The following HS6ST3 variants were observed in gnomAD, a reference collection of about 807,000 sequenced individuals.
HS6ST3 encodes heparan-sulfate 6-O-sulfotransferase 3.
HS6ST3 carries 12 observed loss-of-function variants against 36.7 expected under a neutral mutation model. That is an observed-to-expected ratio of 0.33 (90% confidence interval 0.21 to 0.53). The LOEUF (loss-of-function observed/expected upper bound fraction) is 0.53. Among genes scored for constraint, HS6ST3 ranks in the 20% least tolerant of loss-of-function variants. The pLI is 0.95. For synonymous variants in HS6ST3, 240 were observed against 257.5 expected (o/e 0.93, Z 0.65); for missense variants, 584 against 640.9 (o/e 0.91, Z 0.96).
intron 1 of HS6ST3, among the ~76,000 whole-genome samples, chr13:96,135,932 C>G (rs76768710): frequency 6.6e-6 from 1 of 152,124 alleles, no homozygotes; most frequent in African/African-American, 2.4e-5. Flanking sequence ...TCACTTACCC[C>G]AAAAGAAAGG....
chr13:96,574,739 C>T (rs1024949713), intron 1 of HS6ST3, among the ~76,000 whole-genome samples: 8 of 152,162 alleles, frequency 5.3e-5, no homozygotes, highest in African/African-American at 1.9e-4. Flanking sequence ...TTCTGGTGGA[C>T]TGGGGCTCCT....
chr13:96,755,566 C>T (rs1390436525), intron 1 of HS6ST3, among the ~76,000 whole-genome samples: 3 of 151,814 alleles, frequency 2.0e-5, no homozygotes, highest in Non-Finnish European at 2.9e-5. Context: ...GGTTTCACCA[C>T]GTTGGCCAGG....
chr13:96,116,909 A>G (rs1475171089), intron 1 of HS6ST3, among the ~76,000 whole-genome samples: 1 of 152,176 alleles, frequency 6.6e-6, no homozygotes, highest in Non-Finnish European at 1.5e-5. Flanking sequence ...AGAGATGAAC[A>G]TTTATATGAA....
rs747605056 is a variant in HS6ST3 at position 96,091,515 on chromosome 13, G to A, written c.653G>A (p.Cys218Tyr). The part of the protein sequence containing the change: ...LHADWTELTN[C>Y]VPAIMEKKDC... ...GCCGACTGGACGGAGCTCACCAACTGCGTGCCGGCCATCATGGAGAAGAAG... is the reference window on the plus strand; with the variant it reads ...GCCGACTGGACGGAGCTCACCAACTACGTGCCGGCCATCATGGAGAAGAAG... Residue 218 changes from cysteine to tyrosine, a missense_variant, in exon 1 of 2, where the codon TGC becomes TAC. Physicochemically the swap from Cys to Tyr is radical, Grantham distance 194 (BLOSUM62 -2). Around this residue, in one of 3 missense-constraint regions of HS6ST3, gnomAD observed 360 missense variants for 411.3 expected, o/e 0.88. Coordinates refer to ENST00000376705, the MANE Select transcript of HS6ST3 (RefSeq NM_153456.4). 6 of 1,596,480 alleles carry A rather than the reference G, an allele frequency of 3.8e-6. No homozygotes were observed. Among genetic ancestry groups the A allele is most frequent in the Non-Finnish European group, 5.1e-6 (6 of 1,174,556 alleles).
intron 1 of HS6ST3, among the ~76,000 whole-genome samples, chr13:96,648,047 G>A (rs1231414563): frequency 1.3e-5 from 2 of 151,952 alleles, no homozygotes; most frequent in African/African-American, 4.8e-5. Context: ...CATAAGTTTA[G>A]TGTTGATCTT....
intron 1 of HS6ST3, among the ~76,000 whole-genome samples, chr13:96,363,016 G>A (rs1449868008): frequency 6.6e-6 from 1 of 152,102 alleles, no homozygotes; most frequent in Admixed American, 6.6e-5. Context: ...TTAGGGATGG[G>A]AGAGGGAGGT....
chr13:96,273,487 G>C (rs985570751), intron 1 of HS6ST3, among the ~76,000 whole-genome samples: 6 of 151,930 alleles, frequency 3.9e-5, no homozygotes, highest in Non-Finnish European at 2.9e-5. Context: ...CTAAGAGGAG[G>C]CTGAGACAAC....
intron 1 of HS6ST3, among the ~76,000 whole-genome samples, chr13:96,144,484 G>A (rs1440107249): frequency 6.6e-6 from 1 of 152,012 alleles, no homozygotes; most frequent in African/African-American, 2.4e-5. Context: ...TTAATCCTGA[G>A]AGGGTTGAAA....
intron 1 of HS6ST3, chr13:96,573,891 C>T (rs142709725): frequency 1.2e-5 from 6 of 496,124 alleles, no homozygotes; most frequent in East Asian, 1.1e-4. Context: ...CCCTCTCCCC[C>T]AGTCTAATGG....
chr13:96,326,640 G>T (rs1049586725), intron 1 of HS6ST3, among the ~76,000 whole-genome samples: 1 of 152,056 alleles, frequency 6.6e-6, no homozygotes, highest in Non-Finnish European at 1.5e-5. Context: ...ATAAACATCC[G>T]TGTGCATGTG....
intron 1 of HS6ST3, among the ~76,000 whole-genome samples, chr13:96,237,511 A>G (rs1019075182): frequency 1.3e-5 from 2 of 151,934 alleles, no homozygotes; most frequent in Non-Finnish European, 2.9e-5. Context: ...TGCATCATTC[A>G]TCTCTTCCTT....
intron 1 of HS6ST3, among the ~76,000 whole-genome samples, chr13:96,776,734 G>A (rs576571874): frequency 6.6e-6 from 1 of 152,214 alleles, no homozygotes; most frequent in African/African-American, 2.4e-5. Context: ...AGGACCAGAT[G>A]GATTCACAGC....
At chr13:96,743,259 G>A (rs2138486583) in intron 1 of HS6ST3, among the ~76,000 whole-genome samples, 1 of 152,214 alleles carries the variant, frequency 6.6e-6, no homozygotes, top group East Asian at 1.9e-4. Context: ...TTCATCAGGA[G>A]TTTCTTAAAA....
intron 1 of HS6ST3, among the ~76,000 whole-genome samples, chr13:96,317,401 AAT>A (rs1159536290): frequency 0.013 from 1,520 of 120,214 alleles, 33 homozygotes; most frequent in African/African-American, 0.045. Flanking sequence ...TATATCATGG[AAT>A]ATATATATAT....
At chr13:96,417,704 A>G (rs144141136) in intron 1 of HS6ST3, among the ~76,000 whole-genome samples, 131 of 136,468 alleles carry the variant, frequency 9.6e-4, no homozygotes, top group Middle Eastern at 3.8e-3. Flanking sequence ...ATATATTTAT[A>G]TGTACGTATC....
At chr13:96,411,021 C>T (rs2055504822) in intron 1 of HS6ST3, among the ~76,000 whole-genome samples, 1 of 152,152 alleles carries the variant, frequency 6.6e-6, no homozygotes, top group Non-Finnish European at 1.5e-5. Flanking sequence ...TTTGACCTCA[C>T]CATCACAGCC....
At chr13:96,094,149 A>G (rs2053778678) in intron 1 of HS6ST3, among the ~76,000 whole-genome samples, 1 of 152,156 alleles carries the variant, frequency 6.6e-6, no homozygotes, top group Admixed American at 6.5e-5. Context: ...GGAGTAAGTT[A>G]CTTTTTCTGA....
intron 1 of HS6ST3, among the ~76,000 whole-genome samples, chr13:96,773,035 T>A (rs1877302679): frequency 6.6e-6 from 1 of 151,996 alleles, no homozygotes; most frequent in Admixed American, 6.6e-5. Flanking sequence ...GGGAGGGGTG[T>A]GTCACCTCAC....
chr13:96,383,723 G>A (rs1041758040), intron 1 of HS6ST3, among the ~76,000 whole-genome samples: 1 of 152,030 alleles, frequency 6.6e-6, no homozygotes, highest in Non-Finnish European at 1.5e-5. Context: ...TCAAAGTGGG[G>A]GGGACATAGA....
Sources: allele counts gnomAD v4.1 joint callset (sites outside exome capture counted in the v4.1 genomes callset), GRCh38; gene constraint gnomAD v4.1.1; regional missense constraint gnomAD v4.1.1; transcripts MANE v1.5; gene names NCBI Gene and HGNC (gene_info 2026-07-23, HGNC 2026-07-21).